UST: variants seen among roughly 807,000 people sequenced by gnomAD.
UST encodes chondroitin sulfate 2-O-sulfotransferase.
UST carries 21 observed loss-of-function variants against 45.6 expected under a neutral mutation model. The observed-to-expected ratio is 0.46, with a 90% CI of 0.33 to 0.66. The LOEUF is 0.66. Ranked by LOEUF, UST falls within the 30% of genes least tolerant of loss-of-function variation. The pLI is 0.02. For synonymous variants in UST, 215 were observed against 200.6 expected, an observed-to-expected ratio of 1.07 and a Z score of -0.61; for missense variants, 463 against 512.4, an observed-to-expected ratio of 0.90 and a Z score of 0.93.
chr6:148,899,418 TTTTTA>T (rs1265738576), intron 2 of UST, among the ~76,000 whole-genome samples: 2 of 152,204 alleles, frequency 1.3e-5, no homozygotes, highest in Non-Finnish European at 2.9e-5. Flanking sequence ...CTTTTCTTAT[TTTTTA>T]TTAGATTGTA....
rs138574478 is a variant in UST, at chr6:148,796,758, G to A, written c.247+49081G>A. 2.9e-3 allele frequency among the ~76,000 whole-genome samples: 427 copies of A among 149,564 alleles called. 3 individuals are homozygous for A. Among genetic ancestry groups the A allele is most frequent in the Non-Finnish European group, 3.9e-3 (263 of 67,568 alleles). On this transcript the variant is annotated intron_variant, in intron 1 of 7. Coordinates refer to ENST00000367463, the MANE Select transcript of UST (RefSeq NM_005715.3). ...CCCTAGTACAGGCTCTCTTCATGCC[G>A]CAGTGTTGCCCTTTAAAAACCAACT...
chr6:148,996,045 A>G (rs2114998054), intron 5 of UST, among the ~76,000 whole-genome samples: 1 of 152,342 alleles, frequency 6.6e-6, no homozygotes, highest in South Asian at 2.1e-4. Flanking sequence ...GGAACCCAGT[A>G]AGAGCAGCGT....
At chr6:149,001,899 C>T (rs899334765) in intron 5 of UST, among the ~76,000 whole-genome samples, 2 of 152,056 alleles carry the variant, frequency 1.3e-5, no homozygotes, top group Admixed American at 1.3e-4. Context: ...AAATTCATCT[C>T]CGATTTGGAG....
At chr6:149,000,089 G>A (rs142488945) in intron 5 of UST, among the ~76,000 whole-genome samples, 73 of 152,290 alleles carry the variant, frequency 4.8e-4, no homozygotes, top group Non-Finnish European at 9.7e-4. Flanking sequence ...GAGACTAGAA[G>A]TGTCCTGGCC....
At chr6:148,780,562 G>A (rs1776625338) in intron 1 of UST, among the ~76,000 whole-genome samples, 4 of 152,104 alleles carry the variant, frequency 2.6e-5, no homozygotes, top group Non-Finnish European at 5.9e-5. Context: ...TCCTATGTTA[G>A]TTTGCTAAGG....
At chr6:149,035,936 G>T (rs6570920) in intron 7 of UST, among the ~76,000 whole-genome samples, 102,165 of 151,978 alleles carry the variant, frequency 0.67, 34,676 homozygotes, top group African/African-American at 0.75. Context: ...GTTTTCCCAC[G>T]GAAAAATTAT....
At chr6:148,886,249 C>T (rs1159916351) in intron 1 of UST, among the ~76,000 whole-genome samples, 2 of 152,238 alleles carry the variant, frequency 1.3e-5, no homozygotes, top group African/African-American at 2.4e-5. Context: ...CTCCAGGCCT[C>T]TGTTCTCTCC....
At chr6:148,977,567 T>C (rs529856715) in intron 5 of UST, among the ~76,000 whole-genome samples, 16 of 151,960 alleles carry the variant, frequency 1.1e-4, no homozygotes, top group Middle Eastern at 3.4e-3. Context: ...CTGGCTAACA[T>C]GGTGAAACCC....
At chr6:148,863,882 T>C (rs555449388) in intron 1 of UST, among the ~76,000 whole-genome samples, 5 of 152,316 alleles carry the variant, frequency 3.3e-5, no homozygotes, top group Admixed American at 3.3e-4. Context: ...CTCAGAGGGG[T>C]ACCCGGCCGT....
At chr6:148,979,963 C>T (rs774048531) in intron 5 of UST, among the ~76,000 whole-genome samples, 4 of 152,118 alleles carry the variant, frequency 2.6e-5, no homozygotes, top group Admixed American at 6.6e-5. Context: ...TGTTAAAGCT[C>T]GAGTAACTCT....
chr6:148,769,747 T>C (rs2114671112), intron 1 of UST, among the ~76,000 whole-genome samples: 1 of 123,402 alleles, frequency 8.1e-6, no homozygotes, highest in Non-Finnish European at 1.7e-5. Flanking sequence ...TAGGAGCCTG[T>C]GTTTGTGTGT....
intron 1 of UST, among the ~76,000 whole-genome samples, chr6:148,805,917 A>G (rs1265993842): frequency 1.3e-5 from 2 of 152,174 alleles, no homozygotes; most frequent in African/African-American, 4.8e-5. Context: ...GCAGAATTCT[A>G]CCTTAGGTGC....
intron 1 of UST, among the ~76,000 whole-genome samples, chr6:148,838,963 A>C (rs146929586): frequency 6.6e-6 from 1 of 152,170 alleles, no homozygotes; most frequent in Non-Finnish European, 1.5e-5. Flanking sequence ...CAGCTGCCCA[A>C]TATTCAATTT....
intron 1 of UST, among the ~76,000 whole-genome samples, chr6:148,754,125 G>A (rs574949441): frequency 1.9e-4 from 29 of 151,822 alleles, no homozygotes; most frequent in East Asian, 1.6e-3. Context: ...CTCCCAAGTA[G>A]CTGGGACTAC....
At chr6:148,799,584 G>A (rs1424647215) in intron 1 of UST, among the ~76,000 whole-genome samples, 1 of 152,092 alleles carries the variant, frequency 6.6e-6, no homozygotes, top group Non-Finnish European at 1.5e-5. Context: ...GAAAAAGAGT[G>A]TTCTAGTTTG....
intron 1 of UST, among the ~76,000 whole-genome samples, chr6:148,785,294 A>G (rs1006743613): frequency 3.3e-5 from 5 of 152,244 alleles, no homozygotes; most frequent in Non-Finnish European, 7.3e-5. Context: ...GTTATGTATC[A>G]AGAGGAGAAA....
chr6:148,991,535 G>A (rs1049670794), intron 5 of UST, among the ~76,000 whole-genome samples: 2 of 105,740 alleles, frequency 1.9e-5, no homozygotes, highest in African/African-American at 3.9e-5. Flanking sequence ...GACAGGCCCC[G>A]GTGTGTGATG....
At chr6:148,987,916 G>A (rs993175291) in intron 5 of UST, among the ~76,000 whole-genome samples, 2 of 152,096 alleles carry the variant, frequency 1.3e-5, no homozygotes, top group South Asian at 4.1e-4. Context: ...GCTCAGTGGT[G>A]AGGGCTACAG....
chr6:148,893,505 T>C (rs1779058180), intron 2 of UST, among the ~76,000 whole-genome samples: 1 of 152,212 alleles, frequency 6.6e-6, no homozygotes, highest in Admixed American at 6.5e-5. Context: ...GGTTGTGTCA[T>C]GAGGTTTGAT....
Sources: gnomAD v4.1 joint callset for allele counts (sites outside exome capture counted in the v4.1 genomes callset) on GRCh38, gnomAD v4.1.1 for gene constraint, MANE v1.5 for transcripts, NCBI Gene and HGNC (gene_info 2026-07-23, HGNC 2026-07-21) for gene names.